KAZN: variants seen among roughly 807,000 people sequenced by gnomAD.
KAZN encodes the protein kazrin, periplakin interacting protein.
A neutral mutation model predicts 87.4 loss-of-function variants in KAZN; 40 were observed. The observed-to-expected ratio is 0.46, with a 90% confidence interval of 0.36 to 0.60. The LOEUF is 0.60. Ranked by LOEUF, KAZN falls within the 20% of genes least tolerant of loss-of-function variation. The pLI is 0.00. For synonymous variants in KAZN, 466 were observed against 458.3 expected, an observed-to-expected ratio of 1.02 and a Z score of -0.22; for missense variants, 898 against 1,073.9, an observed-to-expected ratio of 0.84 and a Z score of 2.29.
chr1:14,826,814 C>A (rs1177114296), intron 1 of KAZN, among the ~76,000 whole-genome samples: 1 of 152,170 alleles, frequency 6.6e-6, no homozygotes, highest in African/African-American at 2.4e-5. Flanking sequence ...TAAAAGAATT[C>A]AGGCCGCCTT....
chr1:14,591,977 G>A (rs987404718), intron 2 of KAZN, among the ~76,000 whole-genome samples: 1 of 152,096 alleles, frequency 6.6e-6, no homozygotes. Flanking sequence ...TGATGAATAG[G>A]AGAAGGATAG....
At position 13,944,213 on chromosome 1, in the gene KAZN, G is replaced by A. The variant is rs372087035; in HGVS notation, c.91+50457G>A. 1.8e-4 allele frequency among the ~76,000 whole-genome samples: 27 copies of A among 152,308 alleles called. No individual in the cohort carries two copies. The South Asian group carries it at 5.2e-3, about 29-fold the overall frequency. ...ACAAAAGGGAATAAACTACGGATAC[G>A]CGTTACATCATAGATGAACGTTGAA... On this transcript the variant is annotated intron_variant, in intron 1 of 16. Transcript: ENST00000636203.
rs1261079820 is a variant in KAZN, at chr1:15,099,789, A to C, written c.1548-1754A>C. Among the ~76,000 whole-genome samples the C allele has an allele frequency of 4.6e-5, 7 of 152,214 alleles. No homozygotes were observed. The highest frequency in any genetic ancestry group is 4.6e-4 in the Admixed American group (7 of 15,278). On this transcript the variant is annotated intron_variant, in intron 10 of 14. Transcript: ENST00000376030. The surrounding 1 kb of genome is among the most constrained non-coding windows in gnomAD (Gnocchi z 5.4). ...GGGGGATGCGGAATAGAAGGGAAGC[A>C]AAGGCAGGAAACGGGGAGCAGCCGG...
At chr1:15,057,136 G>C (rs1388473298) in intron 5 of KAZN, among the ~76,000 whole-genome samples, 1 of 152,252 alleles carries the variant, frequency 6.6e-6, no homozygotes, top group Non-Finnish European at 1.5e-5. Flanking sequence ...GCTATTGCCT[G>C]TCAAGGGTAC....
rs532003089 is a variant in KAZN at position 14,721,734 on chromosome 1, C to T, written c.226+122511C>T. Among the ~76,000 whole-genome samples the T allele has an allele frequency of 3.9e-5, 6 of 152,276 alleles. No individual in the cohort carries two copies. In the East Asian group the frequency reaches 1.2e-3, roughly 29 times the overall value. On this transcript the variant is annotated intron_variant, in intron 1 of 14. Coordinates refer to ENST00000376030, the MANE Select transcript of KAZN (RefSeq NM_201628.3). ...CTGCAGAGATTTCTATATAAGACCA[C>T]CTAGTGCAGCATTGTTTATTGTAAG...
chr1:14,749,704 A>G (rs745574801), intron 1 of KAZN, among the ~76,000 whole-genome samples: 2 of 152,110 alleles, frequency 1.3e-5, no homozygotes, highest in Non-Finnish European at 2.9e-5. Flanking sequence ...TCACACAGGC[A>G]CCAGGCCTCC....
chr1:14,161,648 G>A (rs1645712458), intron 1 of KAZN, among the ~76,000 whole-genome samples: 1 of 152,320 alleles, frequency 6.6e-6, no homozygotes, highest in African/African-American at 2.4e-5. Flanking sequence ...CCTATCTAGT[G>A]TAGGAGAGGA....
At chr1:14,999,501 T>TCCCCCCC (rs1049861453) in intron 2 of KAZN, among the ~76,000 whole-genome samples, 5 of 74,668 alleles carry the variant, frequency 6.7e-5, no homozygotes, top group African/African-American at 2.9e-4. Flanking sequence ...CCTGCCCCCC[T>TCCCCCCC]CCCCCCGCCC....
intron 2 of KAZN, among the ~76,000 whole-genome samples, chr1:14,318,955 T>C (rs146401610): frequency 2.0e-4 from 30 of 151,886 alleles, no homozygotes; most frequent in Non-Finnish European, 4.1e-4. Flanking sequence ...TTTTAAAATC[T>C]TTGCTAATTG....
At chr1:14,057,083 T>A (rs117536172) in intron 1 of KAZN, among the ~76,000 whole-genome samples, 4,291 of 150,816 alleles carry the variant, frequency 0.028, 311 homozygotes, top group East Asian at 0.27. Flanking sequence ...AAGCTAAAGC[T>A]AGTTGCAGAA....
chr1:15,049,610 T>C (rs1346492017), intron 4 of KAZN, among the ~76,000 whole-genome samples: 1 of 152,232 alleles, frequency 6.6e-6, no homozygotes, highest in Non-Finnish European at 1.5e-5. Context: ...CGTTCCTATC[T>C]GTCTGGGCCT....
At chr1:14,908,501 C>T (rs1177074837) in intron 1 of KAZN, among the ~76,000 whole-genome samples, 1 of 152,104 alleles carries the variant, frequency 6.6e-6, no homozygotes, top group African/African-American at 2.4e-5. Context: ...GAGATCACGC[C>T]ACTGCACTCC....
At chr1:14,259,874 C>A (rs1164602515) in intron 2 of KAZN, among the ~76,000 whole-genome samples, 1 of 152,146 alleles carries the variant, frequency 6.6e-6, no homozygotes, top group Non-Finnish European at 1.5e-5. Context: ...CAGGAAATAC[C>A]AGAGCTGCAG....
intron 1 of KAZN, among the ~76,000 whole-genome samples, chr1:14,733,069 A>T (rs1304849451): frequency 6.6e-6 from 1 of 152,106 alleles, no homozygotes; most frequent in Non-Finnish European, 1.5e-5. Flanking sequence ...TTCAGACATG[A>T]GCAACCACTT....
intron 1 of KAZN, among the ~76,000 whole-genome samples, chr1:13,957,598 GGCCT>G (rs2101014549): frequency 6.6e-6 from 1 of 152,200 alleles, no homozygotes; most frequent in South Asian, 2.1e-4. Context: ...ATCTGGTGAG[GGCCT>G]CAGGCTGCTT....
At chr1:14,767,127 T>C (rs1644905145) in intron 1 of KAZN, among the ~76,000 whole-genome samples, 1 of 152,108 alleles carries the variant, frequency 6.6e-6, no homozygotes, top group Non-Finnish European at 1.5e-5. Context: ...TTACAGACCG[T>C]GATGATTGAG....
chr1:15,100,020 T>C (rs1640985442), intron 10 of KAZN, among the ~76,000 whole-genome samples: 1 of 152,058 alleles, frequency 6.6e-6, no homozygotes, highest in African/African-American at 2.4e-5. Context: ...GACACGTCTG[T>C]GACAGCCAGG....
intron 2 of KAZN, among the ~76,000 whole-genome samples, chr1:14,188,174 TGGA>T (rs1358357421): frequency 7.2e-6 from 1 of 139,074 alleles, no homozygotes; most frequent in Non-Finnish European, 1.6e-5. Context: ...GATCTGGGGA[TGGA>T]GAGAGAGAGA....
At chr1:15,078,819 C>A (rs906662515) in intron 8 of KAZN, among the ~76,000 whole-genome samples, 16 of 152,302 alleles carry the variant, frequency 1.1e-4, no homozygotes, top group Middle Eastern at 3.4e-3. Flanking sequence ...TGCCAGTGTT[C>A]CCCTTGCCAT....
Sources: gnomAD v4.1 joint callset for allele counts (sites outside exome capture counted in the v4.1 genomes callset) on GRCh38, gnomAD v4.1.1 for gene constraint, Gnocchi (gnomAD v3.1) non-coding constraint, MANE v1.5 for transcripts, NCBI Gene and HGNC (gene_info 2026-07-23, HGNC 2026-07-21) for gene names.